The following HACD2 variants were observed in gnomAD, a reference collection of about 807,000 sequenced individuals.
The protein encoded by HACD2 is 3-hydroxyacyl-CoA dehydratase 2.
A neutral mutation model predicts 31.0 loss-of-function variants in HACD2; 15 were observed. The observed-to-expected ratio is 0.48, with a 90% confidence interval of 0.32 to 0.75. The LOEUF is 0.75. HACD2 is among the 30% of genes least tolerant of loss of function. The pLI is 0.03. For missense variants in HACD2, 283 were observed against 313.0 expected (o/e 0.90, Z 0.72); for synonymous variants, 115 against 122.2 (o/e 0.94, Z 0.39).
intron 4 of HACD2, among the ~76,000 whole-genome samples, chr3:123,515,263 T>A (rs1282352701): frequency 6.6e-6 from 1 of 152,100 alleles, no homozygotes; most frequent in Non-Finnish European, 1.5e-5. Flanking sequence ...GTTATCCCAC[T>A]ATATGGTGTT....
At chr3:123,583,449 T>C (rs1038623333) in intron 1 of HACD2, among the ~76,000 whole-genome samples, 8 of 152,194 alleles carry the variant, frequency 5.3e-5, no homozygotes, top group Non-Finnish European at 1.2e-4. Context: ...AAAATCAATC[T>C]ATGTGACCAC....
At chr3:123,547,180 T>C (rs1448429608) in intron 3 of HACD2, among the ~76,000 whole-genome samples, 1 of 152,176 alleles carries the variant, frequency 6.6e-6, no homozygotes, top group Non-Finnish European at 1.5e-5. Context: ...CTTTAATAAA[T>C]AATTTTCCTT....
At chr3:123,507,704 T>C (rs2055994892) in intron 4 of HACD2, among the ~76,000 whole-genome samples, 1 of 151,956 alleles carries the variant, frequency 6.6e-6, no homozygotes, top group African/African-American at 2.4e-5. Flanking sequence ...TAAATACAGA[T>C]ACCTACTATG....
At chr3:123,552,580 AAG>A (rs1168680868) in intron 3 of HACD2, among the ~76,000 whole-genome samples, 1 of 152,228 alleles carries the variant, frequency 6.6e-6, no homozygotes. Flanking sequence ...AAAATAGAAA[AAG>A]AAGATCAAAA....
intron 6 of HACD2, among the ~76,000 whole-genome samples, chr3:123,499,843 C>T (rs1233584629): frequency 1.3e-5 from 2 of 152,190 alleles, no homozygotes; most frequent in Non-Finnish European, 2.9e-5. Flanking sequence ...TCCTCATCCT[C>T]AGAAAGTAGG....
chr3:123,559,838 G>A (rs2056709239), intron 3 of HACD2, among the ~76,000 whole-genome samples: 1 of 152,146 alleles, frequency 6.6e-6, no homozygotes, highest in African/African-American at 2.4e-5. Context: ...AGAAATCCTC[G>A]GGGACTGTTT....
chr3:123,552,491 A>G lies in HACD2; in HGVS notation c.292+15271T>C, dbSNP rs867578676. Among the ~76,000 whole-genome samples, 3 of 152,208 alleles carry G rather than the reference A, an allele frequency of 2.0e-5. No individual in the cohort carries two copies. The South Asian group carries it at 6.2e-4, about 32-fold the overall frequency. On this transcript the variant is annotated intron_variant, in intron 3 of 6. Transcript: ENST00000383657. ...TGTTTGCAAACTAGGGATCTTATAA[A>G]CCAACCCAAACTTCCAATCTTGTCT...
At chr3:123,560,472 A>C (rs1053665430) in intron 3 of HACD2, among the ~76,000 whole-genome samples, 9 of 152,156 alleles carry the variant, frequency 5.9e-5, no homozygotes, top group African/African-American at 2.2e-4. Flanking sequence ...TCAGCCTTAG[A>C]AACCTCTAAG....
At chr3:123,526,495 A>G (rs2056285477) in intron 4 of HACD2, among the ~76,000 whole-genome samples, 1 of 152,176 alleles carries the variant, frequency 6.6e-6, no homozygotes, top group African/African-American at 2.4e-5. Flanking sequence ...AATGTACTAC[A>G]TACTTCAGAA....
chr3:123,584,035 T>C (rs2056995066), intron 1 of HACD2, among the ~76,000 whole-genome samples: 1 of 152,236 alleles, frequency 6.6e-6, no homozygotes, highest in Non-Finnish European at 1.5e-5. Context: ...GATGCTGTGA[T>C]CCTCCTCACC....
At chr3:123,573,222 G>A (rs77918002) in intron 2 of HACD2, among the ~76,000 whole-genome samples, 17,260 of 152,154 alleles carry the variant, frequency 0.11, 1,557 homozygotes, top group African/African-American at 0.26. Context: ...TAGTCTTCAA[G>A]GATAGACACC....
intron 3 of HACD2, among the ~76,000 whole-genome samples, chr3:123,538,162 T>C (rs1293261712): frequency 6.6e-6 from 1 of 152,096 alleles, no homozygotes; most frequent in African/African-American, 2.4e-5. Context: ...TCCCAGAACA[T>C]AGAAAACTGG....
chr3:123,521,175 G>A (rs1403209708), intron 4 of HACD2, among the ~76,000 whole-genome samples: 2 of 152,122 alleles, frequency 1.3e-5, no homozygotes, highest in Non-Finnish European at 2.9e-5. Flanking sequence ...TCAAAAATAG[G>A]AGTAATGTAG....
At chr3:123,534,856 T>C (rs1413873754) in intron 3 of HACD2, among the ~76,000 whole-genome samples, 1 of 149,992 alleles carries the variant, frequency 6.7e-6, no homozygotes, top group Non-Finnish European at 1.5e-5. Flanking sequence ...AAAAAAGAAA[T>C]TAAAAATAGG....
At chr3:123,555,643 T>C (rs567842796) in intron 3 of HACD2, among the ~76,000 whole-genome samples, 1 of 152,284 alleles carries the variant, frequency 6.6e-6, no homozygotes, top group South Asian at 2.1e-4. Context: ...ATTGTTAAGG[T>C]GTCAATTATT....
In HACD2 at chr3:123,573,486, G is replaced by C. The variant is rs563674496; in HGVS notation, c.274-5706C>G. 7.9e-5 allele frequency among the ~76,000 whole-genome samples: 12 copies of C among 152,268 alleles called. No individual in the cohort carries two copies. The South Asian group carries it at 1.4e-3, about 18-fold the overall frequency. ...GGGTGTGTTCAATTCAGCTCCACTA[G>C]AGAGGTTTCATAGAGAACCTCAAGT... On this transcript the variant is annotated intron_variant, in intron 2 of 6. Coordinates refer to ENST00000383657, the MANE Select transcript of HACD2 (RefSeq NM_198402.5).
chr3:123,552,085 T>C (rs148804786), intron 3 of HACD2, among the ~76,000 whole-genome samples: 256 of 152,140 alleles, frequency 1.7e-3, no homozygotes, highest in African/African-American at 5.8e-3. Flanking sequence ...AAAAATGGCA[T>C]GGAAGAGAGA....
intron 2 of HACD2, among the ~76,000 whole-genome samples, chr3:123,575,816 C>A (rs980139640): frequency 2.0e-5 from 3 of 152,078 alleles, no homozygotes; most frequent in Non-Finnish European, 4.4e-5. Context: ...CTCTTTTATG[C>A]TGGAAATTGT....
intron 4 of HACD2, among the ~76,000 whole-genome samples, chr3:123,507,741 A>T (rs1256944690): frequency 1.3e-5 from 2 of 152,168 alleles, no homozygotes; most frequent in Admixed American, 6.5e-5. Context: ...AAAAAATAAA[A>T]AAAAATTTAA....
Sources: gnomAD v4.1 joint callset for allele counts (sites outside exome capture counted in the v4.1 genomes callset) on GRCh38, gnomAD v4.1.1 for gene constraint, MANE v1.5 for transcripts, NCBI Gene and HGNC (gene_info 2026-07-23, HGNC 2026-07-21) for gene names.